Variants in CDS1 observed in about 807,000 individuals in gnomAD.
CDS1 encodes phosphatidate cytidylyltransferase 1.
A neutral mutation model predicts 62.1 loss-of-function variants in CDS1; 41 were observed. The ratio of observed to expected loss-of-function variants is 0.66; its 90% CI spans 0.51 to 0.86. The LOEUF (loss-of-function observed/expected upper bound fraction) is 0.86. Ranked by LOEUF, CDS1 falls within the 40% of genes least tolerant of loss-of-function variation. The pLI, the probability that CDS1 is intolerant of heterozygous loss-of-function variation, is 0.00. For missense variants in CDS1, 470 were observed against 550.1 expected (o/e 0.85, Z 1.46); for synonymous variants, 185 against 192.6 (o/e 0.96, Z 0.32).
chr4:84,623,623 G>T (rs1723758996), intron 5 of CDS1, among the ~76,000 whole-genome samples: 1 of 151,978 alleles, frequency 6.6e-6, no homozygotes, highest in Non-Finnish European at 1.5e-5. Flanking sequence ...ATGTTATTTT[G>T]CAGGGATACC....
intron 7 of CDS1, among the ~76,000 whole-genome samples, chr4:84,635,027 T>TTTTCCTTAGCAATAG (rs1397574222): frequency 9.2e-5 from 14 of 152,078 alleles, no homozygotes; most frequent in East Asian, 7.7e-4. Context: ...TAATTTAATA[T>TTTTCCTTAGCAATAG]TTTCCTAGCA....
At position 84,615,904 on chromosome 4, in the gene CDS1, A is replaced by G. The variant is rs146959323; in HGVS notation, c.343-1660A>G. ...ATAGTTGAAGGATTTCAACACTACT[A>G]TTTGGAACCTTTTGTTTTCTGTTTT... On this transcript the variant is annotated intron_variant, in intron 3 of 12. Transcript: ENST00000295887. Among the ~76,000 whole-genome samples, 23 of 152,276 alleles carry G rather than the reference A, an allele frequency of 1.5e-4. No individual in the cohort carries two copies. In the East Asian group the frequency reaches 4.4e-3, roughly 29 times the overall value.
intron 3 of CDS1, among the ~76,000 whole-genome samples, chr4:84,617,071 G>A (rs1723518663): frequency 6.6e-6 from 1 of 152,162 alleles, no homozygotes; most frequent in South Asian, 2.1e-4. Flanking sequence ...GCTAGAAAGT[G>A]TTCTAACTAT....
rs545047251 is a variant in CDS1 at position 84,636,759 on chromosome 4, G to A, written c.810+1408G>A. 6.6e-5 allele frequency among the ~76,000 whole-genome samples: 10 copies of A among 151,594 alleles called. No individual in the cohort carries two copies. The South Asian group carries it at 1.5e-3, about 22-fold the overall frequency. On this transcript the variant is annotated intron_variant, in intron 8 of 12. Transcript: ENST00000295887. ...AGGCTGGTCTAGAACTCCTGACCTC[G>A]AATGATCTACCTACCTCGGCCTCTG... is the stretch of plus-strand genomic sequence containing the variant.
At chr4:84,637,052 C>G (rs1380414375) in intron 8 of CDS1, among the ~76,000 whole-genome samples, 2 of 152,146 alleles carry the variant, frequency 1.3e-5, no homozygotes, top group Admixed American at 6.5e-5. Flanking sequence ...TGTGGACTGC[C>G]TGTTCTTCCA....
chr4:84,640,910 G>A lies in CDS1; in HGVS notation c.952G>A (p.Val318Met), dbSNP rs146506985. ...VEYRSDVNSFVTECEPSELFQ... is the reference protein window; with the variant it reads ...VEYRSDVNSFMTECEPSELFQ... Reference sequence around the variant, plus strand: ...ATACCGAAGTGATGTAAACTCCTTCGTGACAGAATGTGAGCCCTCAGAACT... The same window carrying A: ...ATACCGAAGTGATGTAAACTCCTTCATGACAGAATGTGAGCCCTCAGAACT... The change falls in exon 10 of 13, where the codon GTG (valine) becomes ATG (methionine). Residue 318 changes from valine to methionine, a missense_variant. Physicochemically the swap from Val to Met is conservative, Grantham distance 21. Around this residue, in one of 5 missense-constraint regions of CDS1, gnomAD observed 214 missense variants for 242.4 expected, o/e 0.88. Coordinates refer to ENST00000295887, the MANE Select transcript of CDS1 (RefSeq NM_001263.4). 6.1e-5 allele frequency: 99 copies of A among 1,611,776 alleles called. No homozygotes were observed. In the East Asian group the frequency reaches 2.0e-3, roughly 33 times the overall value.
At chr4:84,601,586 G>A (rs1276386471) in intron 1 of CDS1, among the ~76,000 whole-genome samples, 5 of 152,204 alleles carry the variant, frequency 3.3e-5, no homozygotes, top group Middle Eastern at 3.4e-3. Flanking sequence ...TGGAGAAGAA[G>A]CAGCTACGAA....
chr4:84,598,436 T>G (rs1477759502), intron 1 of CDS1, among the ~76,000 whole-genome samples: 2 of 151,460 alleles, frequency 1.3e-5, no homozygotes, highest in Non-Finnish European at 2.9e-5. Flanking sequence ...TTATTATTAT[T>G]ATACTTTTAG....
At position 84,630,810 on chromosome 4, in the gene CDS1, GA is replaced by G. The variant is rs200345164; in HGVS notation, c.581-1000del. On this transcript the variant is annotated intron_variant, in intron 5 of 12. Transcript: ENST00000295887. ...ATAGAGCGACACTTGACTCAAAAAA[GA>G]AAAAAAAAGGATGTTGCAGAATAGA... is the stretch of plus-strand genomic sequence containing the variant. Among the ~76,000 whole-genome samples, 1,087 of 149,060 alleles carry G rather than the reference GA, an allele frequency of 7.3e-3. 9 individuals carry two copies. The highest frequency in any genetic ancestry group is 0.011 in the Non-Finnish European group (742 of 67,104).
intron 1 of CDS1, among the ~76,000 whole-genome samples, chr4:84,602,229 C>G (rs1194118047): frequency 1.3e-5 from 2 of 152,098 alleles, no homozygotes; most frequent in African/African-American, 4.8e-5. Context: ...TGAAAGACTC[C>G]TGGTGCAATT....
intron 3 of CDS1, among the ~76,000 whole-genome samples, chr4:84,614,568 T>C (rs910367598): frequency 1.1e-4 from 17 of 152,196 alleles, no homozygotes; most frequent in African/African-American, 3.4e-4. Flanking sequence ...TAGACACTTA[T>C]TTGAATAACC....
intron 9 of CDS1, among the ~76,000 whole-genome samples, chr4:84,640,135 A>G (rs1293180324): frequency 1.4e-5 from 2 of 147,682 alleles, no homozygotes; most frequent in Admixed American, 6.8e-5. Flanking sequence ...TTATATATAT[A>G]TAATATATAT....
At chr4:84,605,436 A>G (rs1723064962) in intron 2 of CDS1, among the ~76,000 whole-genome samples, 3 of 151,118 alleles carry the variant, frequency 2.0e-5, no homozygotes, top group African/African-American at 4.9e-5. Context: ...TGTAATATGA[A>G]TTTTTCTTTT....
chr4:84,612,970 C>T (rs1300949609), intron 3 of CDS1, among the ~76,000 whole-genome samples: 3 of 124,120 alleles, frequency 2.4e-5, no homozygotes, highest in Admixed American at 9.4e-5. Context: ...GTCTGGGTGA[C>T]AGAGTGAGAT....
At chr4:84,645,537 G>A (rs181936754) in intron 12 of CDS1, among the ~76,000 whole-genome samples, 6 of 152,280 alleles carry the variant, frequency 3.9e-5, no homozygotes, top group Admixed American at 2.6e-4. Flanking sequence ...TATTTGTCAT[G>A]GTCCTGGACC....
At chr4:84,583,894 G>A (rs1476012797) in intron 1 of CDS1, among the ~76,000 whole-genome samples, 1 of 152,148 alleles carries the variant, frequency 6.6e-6, no homozygotes, top group Non-Finnish European at 1.5e-5. Flanking sequence ...TCTCTTTTCA[G>A]TAGAGGGAAC....
intron 2 of CDS1, among the ~76,000 whole-genome samples, chr4:84,605,521 T>C (rs1723068228): frequency 6.6e-6 from 1 of 152,136 alleles, no homozygotes; most frequent in Non-Finnish European, 1.5e-5. Flanking sequence ...TTTTAACCAA[T>C]AGAACATATC....
intron 5 of CDS1, among the ~76,000 whole-genome samples, chr4:84,625,010 G>T (rs995368736): frequency 6.6e-6 from 1 of 151,888 alleles, no homozygotes; most frequent in Non-Finnish European, 1.5e-5. Context: ...ACAGGCATGC[G>T]CTACTGTGCC....
chr4:84,624,950 T>C (rs1252143114), intron 5 of CDS1, among the ~76,000 whole-genome samples: 1 of 152,058 alleles, frequency 6.6e-6, no homozygotes, highest in South Asian at 2.1e-4. Context: ...AACCTCTGCC[T>C]CCTGGGTTCA....
Sources: allele counts gnomAD v4.1 joint callset (sites outside exome capture counted in the v4.1 genomes callset), GRCh38; gene constraint gnomAD v4.1.1; regional missense constraint gnomAD v4.1.1; transcripts MANE v1.5; gene names NCBI Gene and HGNC (gene_info 2026-07-23, HGNC 2026-07-21).